The following PDE4D variants were observed in gnomAD, a reference collection of about 807,000 sequenced individuals.
PDE4D encodes the protein phosphodiesterase 4D, also known as 3',5'-cyclic-AMP phosphodiesterase 4D.
In PDE4D, 24 loss-of-function variants were observed where a neutral mutation model predicts 87.4. The observed-to-expected ratio is 0.27, with a 90% CI of 0.20 to 0.39. PDE4D has a LOEUF of 0.39. Ranked by LOEUF, PDE4D falls within the 10% of genes least tolerant of loss-of-function variation. The pLI, the probability that PDE4D is intolerant of heterozygous loss-of-function variation, is 1.00. For missense variants in PDE4D, 714 were observed against 1,041.0 expected (o/e 0.69, Z 4.32); for synonymous variants, 384 against 383.2 (o/e 1.00, Z -0.02).
chr5:59,949,159 C>T (rs917428627), intron 3 of PDE4D, among the ~76,000 whole-genome samples: 1 of 152,148 alleles, frequency 6.6e-6, no homozygotes, highest in East Asian at 1.9e-4. Flanking sequence ...AGGCTGGGCG[C>T]GGTGGCTCAT....
chr5:59,929,383 C>T (rs960381590), intron 3 of PDE4D, among the ~76,000 whole-genome samples: 1 of 152,094 alleles, frequency 6.6e-6, no homozygotes. Context: ...TTTAAAAAAA[C>T]CAATTTCTCT....
intron 2 of PDE4D, among the ~76,000 whole-genome samples, chr5:60,104,638 A>G (rs536950610): frequency 1.8e-4 from 28 of 152,304 alleles, no homozygotes; most frequent in Non-Finnish European, 3.7e-4. Context: ...GACACCACAC[A>G]CGGCCAAGTA....
chr5:59,278,416 A>G (rs193227408), intron 1 of PDE4D, among the ~76,000 whole-genome samples: 143 of 152,228 alleles, frequency 9.4e-4, no homozygotes, highest in South Asian at 1.5e-3. Context: ...ATTATTTCTC[A>G]GTATTTCCCT....
intron 1 of PDE4D, among the ~76,000 whole-genome samples, chr5:60,195,798 T>C (rs937183041): frequency 9.2e-5 from 14 of 151,764 alleles, no homozygotes; most frequent in African/African-American, 3.4e-4. Flanking sequence ...ACCTAATGGC[T>C]TCAAAGCCTG....
intron 1 of PDE4D, among the ~76,000 whole-genome samples, chr5:60,453,791 G>T (rs961645826): frequency 2.2e-4 from 33 of 151,928 alleles, no homozygotes; most frequent in Non-Finnish European, 3.4e-4. Context: ...GAGCTTGTTT[G>T]TCATAGTTCT....
chr5:59,650,936 A>C (rs534898422), intron 1 of PDE4D, among the ~76,000 whole-genome samples: 2 of 152,298 alleles, frequency 1.3e-5, no homozygotes, highest in South Asian at 4.1e-4. Context: ...ATTTGTATAA[A>C]TTCATTAATA....
chr5:59,259,298 G>C (rs970580862), intron 1 of PDE4D, among the ~76,000 whole-genome samples: 1 of 151,754 alleles, frequency 6.6e-6, no homozygotes, highest in Non-Finnish European at 1.5e-5. Flanking sequence ...AAATCACCCA[G>C]CATGTAAAAG....
chr5:59,011,229 G>T (rs530774510), intron 6 of PDE4D, among the ~76,000 whole-genome samples: 36 of 152,266 alleles, frequency 2.4e-4, no homozygotes, highest in Middle Eastern at 3.4e-3. Flanking sequence ...AAAAATCAGA[G>T]CTCCTCTTCT....
At chr5:59,477,397 G>C (rs1803482347) in intron 1 of PDE4D, among the ~76,000 whole-genome samples, 2 of 146,784 alleles carry the variant, frequency 1.4e-5, no homozygotes, top group African/African-American at 5.1e-5. Context: ...TACAAAATAT[G>C]CTTACTTATA....
intron 1 of PDE4D, among the ~76,000 whole-genome samples, chr5:59,260,843 C>T (rs972900018): frequency 6.0e-5 from 9 of 150,830 alleles, no homozygotes; most frequent in South Asian, 2.1e-4. Flanking sequence ...TTATAAGTAA[C>T]GTTTATAAAG....
chr5:60,041,700 T>C (rs147024325), intron 2 of PDE4D, among the ~76,000 whole-genome samples: 137 of 152,094 alleles, frequency 9.0e-4, no homozygotes, highest in African/African-American at 3.2e-3. Context: ...GTTCAAGGGG[T>C]TGGGGAACTC....
At chr5:59,989,087 C>CATATATATATATATATATATATAT (rs541522751) in intron 2 of PDE4D, among the ~76,000 whole-genome samples, 3 of 100,430 alleles carry the variant, frequency 3.0e-5, no homozygotes, top group Non-Finnish European at 6.1e-5. Context: ...ATGCATGTGT[C>CATATATATATATATATATATATAT]ATATATATAT....
intron 2 of PDE4D, among the ~76,000 whole-genome samples, chr5:59,214,027 A>AC (rs2153505018): frequency 7.3e-6 from 1 of 137,120 alleles, no homozygotes; most frequent in African/African-American, 2.8e-5. Context: ...ACATACATAC[A>AC]TACTTCACAC....
intron 5 of PDE4D, among the ~76,000 whole-genome samples, chr5:59,122,970 T>C (rs1774805308): frequency 1.3e-5 from 2 of 152,188 alleles, no homozygotes; most frequent in Non-Finnish European, 2.9e-5. Context: ...AAGAGTCCTG[T>C]AACATCAGAC....
chr5:59,536,275 A>G (rs11956820), intron 1 of PDE4D, among the ~76,000 whole-genome samples: 29,524 of 151,778 alleles, frequency 0.19, 3,383 homozygotes, highest in Non-Finnish European at 0.26. Flanking sequence ...GGAGGCCGAG[A>G]TGGGTGAATC....
intron 1 of PDE4D, among the ~76,000 whole-genome samples, chr5:59,860,245 T>C (rs1746056543): frequency 1.3e-5 from 2 of 152,178 alleles, no homozygotes; most frequent in African/African-American, 2.4e-5. Flanking sequence ...AGATGGATGC[T>C]GTGAAGTAGA....
rs1009514294 is a variant in PDE4D, at chr5:59,324,037, T to C, written c.456-108069A>G. Among the ~76,000 whole-genome samples the C allele has an allele frequency of 2.0e-5, 3 of 152,228 alleles. No individual in the cohort carries two copies. In the East Asian group the frequency reaches 5.8e-4, roughly 29 times the overall value. ...ATTCCCAGTCATTTGCACATGATAC[T>C]GTGTCTACCTGATACCCTCTCTCTC... On this transcript the variant is annotated intron_variant, in intron 1 of 14. Transcript: ENST00000340635.
chr5:59,090,381 C>T (rs768584290), intron 5 of PDE4D, among the ~76,000 whole-genome samples: 5 of 152,038 alleles, frequency 3.3e-5, no homozygotes, highest in African/African-American at 7.2e-5. Context: ...TGTGCCTTGT[C>T]GATAAAGCAG....
At chr5:60,318,720 A>C (rs1016379433) in intron 1 of PDE4D, among the ~76,000 whole-genome samples, 7 of 151,862 alleles carry the variant, frequency 4.6e-5, no homozygotes, top group African/African-American at 1.7e-4. Flanking sequence ...TCTGTAAAGG[A>C]TTTTATTTCT....
Sources: allele counts gnomAD v4.1 joint callset (sites outside exome capture counted in the v4.1 genomes callset), GRCh38; gene constraint gnomAD v4.1.1; transcripts MANE v1.5; gene names NCBI Gene and HGNC (gene_info 2026-07-23, HGNC 2026-07-21).